Variants in NT5E observed in about 807,000 individuals in gnomAD.
NT5E encodes the protein 5'-nucleotidase.
Under a neutral mutation model 55.1 loss-of-function variants are expected in NT5E, and 53 were observed. That is an observed-to-expected ratio of 0.96 (90% CI 0.77 to 1.21). The LOEUF is 1.21. Ranked by LOEUF, NT5E falls within the 50% of genes most tolerant of loss-of-function variation. The pLI is 0.00. For missense variants in NT5E, 683 were observed against 724.3 expected (o/e 0.94, Z 0.65); for synonymous variants, 270 against 278.4 (o/e 0.97, Z 0.30).
At chr6:85,490,860 A>C (rs764799589) in intron 7 of NT5E, among the ~76,000 whole-genome samples, 1 of 152,210 alleles carries the variant, frequency 6.6e-6, no homozygotes, top group Non-Finnish European at 1.5e-5. Context: ...CAAAGCCCCA[A>C]AGCCCTGGCA....
chr6:85,483,202 C>G (rs1398386626), intron 3 of NT5E, among the ~76,000 whole-genome samples: 2 of 152,212 alleles, frequency 1.3e-5, no homozygotes, highest in East Asian at 3.8e-4. Flanking sequence ...TCTTGGGTTT[C>G]CAGGAAACTG....
At chr6:85,460,255 C>G (rs1246987513) in intron 1 of NT5E, among the ~76,000 whole-genome samples, 1 of 152,158 alleles carries the variant, frequency 6.6e-6, no homozygotes, top group Non-Finnish European at 1.5e-5. Context: ...AAACTTGTCC[C>G]TAAGAAGAGA....
At position 85,450,427 on chromosome 6, in the gene NT5E, C is replaced by T; in HGVS notation, c.288C>T (p.Tyr96=). 6.2e-7 allele frequency: 1 copy of T among 1,603,734 alleles called. No individual in the cohort carries two copies. Among genetic ancestry groups the T allele is most frequent in the Non-Finnish European group, 8.5e-7 (1 of 1,176,276 alleles). ...QYQGTIWFTV[Y]KGAEVAHFMN... ...AGGGCACTATCTGGTTCACCGTGTA[C>T]AAGGGCGCCGAGGTGGCGCACTTCA... Residue 96 remains tyrosine (Y), a synonymous_variant, in exon 1 of 9, where the codon TAC becomes TAT. Transcript: ENST00000257770. This position sits in a 1 kb window ranked among gnomAD's most constrained non-coding sequence, Gnocchi z 4.0.
intron 1 of NT5E, among the ~76,000 whole-genome samples, chr6:85,454,521 A>G (rs1022572638): frequency 1.3e-5 from 2 of 152,102 alleles, no homozygotes; most frequent in African/African-American, 4.8e-5. Flanking sequence ...AAATTGGGTT[A>G]GCTTTATATT....
chr6:85,477,545 T>C (rs950839199), intron 3 of NT5E, among the ~76,000 whole-genome samples: 5 of 152,358 alleles, frequency 3.3e-5, no homozygotes, highest in Non-Finnish European at 7.3e-5. Context: ...GCCATCAGGC[T>C]GGTGCATAGT....
intron 4 of NT5E, among the ~76,000 whole-genome samples, chr6:85,486,452 G>A (rs1769664963): frequency 6.6e-6 from 1 of 152,046 alleles, no homozygotes; most frequent in African/African-American, 2.4e-5. Context: ...GCGGCAAGAT[G>A]AGCGTGTTTA....
At position 85,491,996 on chromosome 6, in the gene NT5E, T is replaced by A; in HGVS notation, c.1380T>A (p.Asp460Glu). The A allele has an allele frequency of 6.2e-7, 1 of 1,614,092 alleles. No individual in the cohort carries two copies. The highest frequency in any genetic ancestry group is 2.2e-5 in the East Asian group (1 of 44,888). ...LQVGGIHVVY[D>E]LSRKPGDRVV... Reference sequence around the variant, plus strand: ...TTCTAGGAATCCATGTGGTGTATGATCTTTCCCGAAAACCTGGAGACAGAG... The same window carrying A: ...TTCTAGGAATCCATGTGGTGTATGAACTTTCCCGAAAACCTGGAGACAGAG... Residue 460 changes from aspartate (D) to glutamate (E), a missense_variant, in exon 8 of 9, where the codon GAT becomes GAA. By Grantham distance (45) the Asp-to-Glu change is conservative (BLOSUM62 2). Coordinates refer to ENST00000257770, the MANE Select transcript of NT5E (RefSeq NM_002526.4).
At chr6:85,457,883 T>G (rs1769018699) in intron 1 of NT5E, among the ~76,000 whole-genome samples, 1 of 152,172 alleles carries the variant, frequency 6.6e-6, no homozygotes, top group Non-Finnish European at 1.5e-5. Context: ...ACAGAGGGAC[T>G]GGGTAAGATC....
chr6:85,463,421 T>TA (rs974978644), intron 1 of NT5E, among the ~76,000 whole-genome samples: 9 of 151,704 alleles, frequency 5.9e-5, no homozygotes, highest in South Asian at 2.1e-4. Flanking sequence ...TTTATACAAA[T>TA]AAAAAAAAGA....
chr6:85,458,909 C>T (rs1479590608), intron 1 of NT5E, among the ~76,000 whole-genome samples: 1 of 152,210 alleles, frequency 6.6e-6, no homozygotes, highest in Non-Finnish European at 1.5e-5. Flanking sequence ...GGTTGAACCC[C>T]AGGGTGTTTC....
intron 3 of NT5E, among the ~76,000 whole-genome samples, chr6:85,481,966 G>T (rs1354330268): frequency 6.6e-6 from 1 of 152,214 alleles, no homozygotes; most frequent in East Asian, 1.9e-4. Flanking sequence ...AGACTAGCTT[G>T]CTTGAGGAAG....
rs149900548 is a variant in NT5E at position 85,466,794 on chromosome 6, T to C, written c.340-266T>C. On this transcript the variant is annotated intron_variant, in intron 1 of 8. Transcript: ENST00000257770. ...TGTGAACATTCAAACCTGCCCCCAA[T>C]CTGAGATGGTGGGACAGTGGACCCC... Among the ~76,000 whole-genome samples, 1,316 of 152,256 alleles carry C rather than the reference T, an allele frequency of 8.6e-3. 16 individuals are homozygous for C. The highest frequency in any genetic ancestry group is 0.03 in the African/African-American group (1,233 of 41,540).
intron 3 of NT5E, among the ~76,000 whole-genome samples, chr6:85,480,863 G>A (rs1488141954): frequency 1.3e-5 from 2 of 152,016 alleles, no homozygotes; most frequent in East Asian, 1.9e-4. Flanking sequence ...TAGGCCCCAG[G>A]GACTAAATGT....
At chr6:85,476,349 C>T (rs1479178112) in intron 3 of NT5E, among the ~76,000 whole-genome samples, 1 of 152,214 alleles carries the variant, frequency 6.6e-6, no homozygotes, top group African/African-American at 2.4e-5. Flanking sequence ...GTCTTGTTTA[C>T]TCATCCTGCA....
chr6:85,476,548 G>T (rs1769441176), intron 3 of NT5E, among the ~76,000 whole-genome samples: 1 of 152,172 alleles, frequency 6.6e-6, no homozygotes, highest in Admixed American at 6.5e-5. Flanking sequence ...GCTGTCCATG[G>T]ACAGCTTAAG....
intron 3 of NT5E, among the ~76,000 whole-genome samples, chr6:85,483,031 G>A (rs1407963154): frequency 6.6e-6 from 1 of 152,196 alleles, no homozygotes; most frequent in Non-Finnish European, 1.5e-5. Context: ...ATGAATGAAT[G>A]TTTTCTGGAG....
chr6:85,480,984 T>C (rs550265955), intron 3 of NT5E, among the ~76,000 whole-genome samples: 38 of 152,288 alleles, frequency 2.5e-4, no homozygotes, highest in African/African-American at 7.5e-4. Context: ...CCCAGCTGCA[T>C]AGTTGAGGAC....
At chr6:85,456,656 CAA>C (rs1278171369) in intron 1 of NT5E, among the ~76,000 whole-genome samples, 4 of 152,052 alleles carry the variant, frequency 2.6e-5, no homozygotes, top group South Asian at 4.2e-4. Context: ...AGGGAGAAGA[CAA>C]GAGAGAAGAG....
chr6:85,453,518 C>T (rs1367817666), intron 1 of NT5E, among the ~76,000 whole-genome samples: 2 of 152,216 alleles, frequency 1.3e-5, no homozygotes, highest in Admixed American at 6.5e-5. Flanking sequence ...GCTATAGTTA[C>T]TCATTGAGCA....
Sources: gnomAD v4.1 joint callset for allele counts (sites outside exome capture counted in the v4.1 genomes callset) on GRCh38, gnomAD v4.1.1 for gene constraint, Gnocchi (gnomAD v3.1) non-coding constraint, MANE v1.5 for transcripts, NCBI Gene and HGNC (gene_info 2026-07-23, HGNC 2026-07-21) for gene names.